The following STAG2 variants were observed in gnomAD, a reference collection of about 807,000 sequenced individuals.
STAG2 encodes the protein cohesin subunit SA-2.
STAG2 carries 14 observed loss-of-function variants against 108.1 expected under a neutral mutation model. The ratio of observed to expected loss-of-function variants is 0.13; its 90% CI spans 0.09 to 0.20. STAG2 has a LOEUF of 0.20. STAG2 is among the 10% of genes least tolerant of loss of function. STAG2 has a pLI of 1.00. For synonymous variants in STAG2, 307 were observed against 302.7 expected (o/e 1.01, Z -0.15); for missense variants, 440 against 940.9 (o/e 0.47, Z 6.96).
At chrX:123,987,398 A>G (rs1320675154) in intron 1 of STAG2, among the ~76,000 whole-genome samples, 1 of 110,371 alleles carries the variant, frequency 9.1e-6, no homozygotes, top group Non-Finnish European at 1.9e-5. Context: ...ACAGGCATGC[A>G]CCACCATGCC....
At chrX:123,993,078 A>G (rs1309983209) in intron 1 of STAG2, among the ~76,000 whole-genome samples, 3 of 111,425 alleles carry the variant, frequency 2.7e-5, no homozygotes, top group Non-Finnish European at 5.6e-5. Context: ...GATACCTTGT[A>G]TTTTTCTTAA....
intron 1 of STAG2, among the ~76,000 whole-genome samples, chrX:124,016,179 G>C (rs968025442): frequency 9.2e-6 from 1 of 108,943 alleles, no homozygotes; most frequent in African/African-American, 3.4e-5. Context: ...TCACTCTATT[G>C]CCCAGACTGG....
intron 8 of STAG2, among the ~76,000 whole-genome samples, chrX:124,046,475 G>A (rs1054432686): frequency 2.7e-5 from 3 of 111,727 alleles, no homozygotes; most frequent in African/African-American, 6.5e-5. Flanking sequence ...GGTTTGCTGG[G>A]AGCATGAAAT....
intron 5 of STAG2, among the ~76,000 whole-genome samples, chrX:124,034,294 G>A (rs946604493): frequency 3.6e-5 from 4 of 111,833 alleles, no homozygotes; most frequent in Non-Finnish European, 7.5e-5. Context: ...AGCCTCCCCA[G>A]TAAGTGGGAC....
At chrX:123,962,348 T>C (rs1053614785) in intron 1 of STAG2, among the ~76,000 whole-genome samples, 1 of 110,915 alleles carries the variant, frequency 9.0e-6, no homozygotes, top group African/African-American at 3.3e-5. Context: ...GGCCTTTTTT[T>C]CCCCCCGTCG....
intron 1 of STAG2, among the ~76,000 whole-genome samples, chrX:123,982,765 CTTTT>C (rs10707101): frequency 2.0e-5 from 1 of 50,006 alleles, no homozygotes; most frequent in Admixed American, 2.5e-4. Flanking sequence ...TTTTTTTGCC[CTTTT>C]TTTTTTTTTT....
intron 1 of STAG2, among the ~76,000 whole-genome samples, chrX:123,982,783 G>C (rs1483959871): frequency 1.6e-5 from 1 of 61,933 alleles, no homozygotes; most frequent in Non-Finnish European, 2.8e-5. Context: ...TTTTTTTGCC[G>C]TATCATGAAC....
At chrX:124,029,959 C>T (rs931097581) in intron 4 of STAG2, among the ~76,000 whole-genome samples, 4 of 110,418 alleles carry the variant, frequency 3.6e-5, no homozygotes, top group African/African-American at 6.6e-5. Flanking sequence ...TGCCCCTACC[C>T]GCGCGTCCCC....
At chrX:124,054,214 T>C (rs777020117) in intron 13 of STAG2, among the ~76,000 whole-genome samples, 1 of 112,310 alleles carries the variant, frequency 8.9e-6, no homozygotes, top group South Asian at 3.7e-4. Context: ...CAACCAAGGG[T>C]GCATATCACT....
intron 1 of STAG2, among the ~76,000 whole-genome samples, chrX:123,972,567 G>A (rs968983752): frequency 4.5e-4 from 49 of 109,249 alleles, no homozygotes; most frequent in Admixed American, 1.7e-3. Flanking sequence ...CACCGCGCCC[G>A]GCCAATTTTT....
intron 4 of STAG2, among the ~76,000 whole-genome samples, chrX:124,027,058 G>A (rs771152043): frequency 2.7e-5 from 3 of 110,858 alleles, no homozygotes; most frequent in Admixed American, 9.6e-5. Flanking sequence ...CCTGTGCCAC[G>A]ATGCCTGGCT....
chrX:123,987,015 C>T (rs1178269754), intron 1 of STAG2, among the ~76,000 whole-genome samples: 3 of 108,878 alleles, frequency 2.8e-5, no homozygotes, highest in South Asian at 7.9e-4. Context: ...TTTTTTTAGA[C>T]GGAGTCTCGC....
chrX:123,987,743 A>T (rs370601692), intron 1 of STAG2, among the ~76,000 whole-genome samples: 12 of 112,323 alleles, frequency 1.1e-4, no homozygotes, highest in African/African-American at 3.2e-4. Flanking sequence ...TGAGAAAATA[A>T]GGGATAATTC....
At chrX:124,045,070 C>A in intron 7 of STAG2, 94 bp from the exon 8 acceptor site, 2 of 748,392 alleles carry the variant, frequency 2.7e-6, no homozygotes, top group Non-Finnish European at 4.1e-6. Context: ...GATAAAGATA[C>A]CTTTTCATGC....
intron 4 of STAG2, among the ~76,000 whole-genome samples, chrX:124,026,171 A>G (rs1263513291): frequency 9.5e-6 from 1 of 104,867 alleles, no homozygotes; most frequent in African/African-American, 3.5e-5. Context: ...TAATAATAAT[A>G]CATTTCCAGT....
At chrX:124,008,438 C>G (rs1187564612) in intron 1 of STAG2, among the ~76,000 whole-genome samples, 6 of 110,710 alleles carry the variant, frequency 5.4e-5, no homozygotes, top group Non-Finnish European at 1.1e-4. Flanking sequence ...GTCTCAAACT[C>G]CCGACCTCAG....
chrX:124,076,203 ATAATTT>A (rs1320623282), intron 25 of STAG2, 123 bp from the exon 26 acceptor site: 1 of 652,746 alleles, frequency 1.5e-6, no homozygotes, highest in Non-Finnish European at 2.3e-6. Flanking sequence ...ATGAATGGTT[ATAATTT>A]TAATTTTAAT....
intron 24 of STAG2, 138 bp from the exon 25 acceptor site, chrX:124,071,011 A>C (rs2058651480): frequency 2.2e-6 from 1 of 445,068 alleles, no homozygotes; most frequent in Admixed American, 5.5e-5. Context: ...GGAAAATACT[A>C]AACATTGATT....
chrX:124,028,861 C>G (rs1336493544), intron 4 of STAG2, among the ~76,000 whole-genome samples: 1 of 97,762 alleles, frequency 1.0e-5, no homozygotes, highest in Non-Finnish European at 2.0e-5. Flanking sequence ...CTCTGTTGAC[C>G]AGGCTTGTCT....
Sources: gnomAD v4.1 joint callset for allele counts (sites outside exome capture counted in the v4.1 genomes callset) on GRCh38, gnomAD v4.1.1 for gene constraint, MANE v1.5 for transcripts, NCBI Gene and HGNC (gene_info 2026-07-23, HGNC 2026-07-21) for gene names.